ECHDC1: variants seen among roughly 807,000 people sequenced by gnomAD.
ECHDC1 encodes the protein ethylmalonyl-CoA decarboxylase.
ECHDC1 carries 29 observed loss-of-function variants against 29.7 expected under a neutral mutation model. That is an observed-to-expected ratio of 0.98 (90% CI 0.73 to 1.33). The LOEUF is 1.33. Ranked by LOEUF, ECHDC1 falls within the 40% of genes most tolerant of loss-of-function variation. ECHDC1 has a pLI of 0.00. For synonymous variants in ECHDC1, 126 were observed against 123.1 expected, an observed-to-expected ratio of 1.02 and a Z score of -0.15; for missense variants, 328 against 350.0, an observed-to-expected ratio of 0.94 and a Z score of 0.50.
chr6:127,318,064 T>C (rs1487539181), intron 3 of ECHDC1: 1 of 152,184 alleles, frequency 6.6e-6, no homozygotes, highest in Non-Finnish European at 1.5e-5. Context: ...AACCTTCCTG[T>C]AGGATGATGA....
rs1020799581 is a variant in ECHDC1 at position 127,343,349 on chromosome 6, G to A, written c.-16C>T. 2.0e-4 allele frequency: 30 copies of A among 152,354 alleles called. No homozygotes were observed. The highest frequency in any genetic ancestry group is 7.0e-4 in the African/African-American group (29 of 41,434). The allele number at this position is 152,354 out of a possible 1,614,324, so 9.4% of individuals were successfully genotyped here. On this transcript the variant is annotated 5_prime_UTR_variant, in exon 1 of 6. Transcript: ENST00000454859. ...ACGACCACTTACCGTCGCAGGCCAC[G>A]GTGGTGACTTCCTTTTCCGCTCCCC... is the stretch of plus-strand genomic sequence containing the variant.
chr6:127,342,660 A>C, intron 1 of ECHDC1: 2 of 372,402 alleles, frequency 5.4e-6, no homozygotes. Context: ...ACTGCTATAC[A>C]GGAGCCCAGA....
chr6:127,301,771 G>A (rs1781071183), intron 5 of ECHDC1, among the ~76,000 whole-genome samples: 1 of 152,126 alleles, frequency 6.6e-6, no homozygotes, highest in Non-Finnish European at 1.5e-5. Flanking sequence ...TCTGGTCAAG[G>A]ATCAATTTCT....
chr6:127,311,719 G>GAAAA (rs1781946789), intron 5 of ECHDC1, among the ~76,000 whole-genome samples: 4 of 59,866 alleles, frequency 6.7e-5, no homozygotes, highest in Non-Finnish European at 1.2e-4. Context: ...AAGAAAGAAA[G>GAAAA]AAAGAAAGAA....
chr6:127,326,948 C>A, intron 3 of ECHDC1, 54 bp downstream of exon 3: 1 of 1,523,042 alleles, frequency 6.6e-7, no homozygotes, highest in Non-Finnish European at 9.0e-7. Flanking sequence ...ATGTATCTGC[C>A]ATACATGTCT....
In ECHDC1 at chr6:127,288,781, C is replaced by CTATGGCCAAAT. The variant is rs1779839902; in HGVS notation, c.*1087_*1088insATTTGGCCATA. 6.6e-6 allele frequency: 1 copy of CTATGGCCAAAT among 152,028 alleles called. No individual in the cohort carries two copies. The highest frequency in any genetic ancestry group is 1.5e-5 in the Non-Finnish European group (1 of 67,940). The allele number at this position is 152,028 out of a possible 1,614,324, so 9.4% of individuals were successfully genotyped here. ...ATGGCCAAATAGTATTGGGTTGACA[C>CTATGGCCAAAT]AGTAATCTAGAGTTTACCTCTGAAA... is the stretch of plus-strand genomic sequence containing the variant. On this transcript the variant is annotated 3_prime_UTR_variant, in exon 6 of 6. Coordinates refer to ENST00000454859, the MANE Select transcript of ECHDC1 (RefSeq NM_001002030.2).
rs761934091 is a variant in ECHDC1, at chr6:127,314,862, A to C, written c.451T>G (p.Trp151Gly). 2 of 1,612,066 alleles carry C rather than the reference A, an allele frequency of 1.2e-6. No individual in the cohort carries two copies. The highest frequency in any genetic ancestry group is 1.3e-5 in the African/African-American group (1 of 74,888). The change falls in exon 5 of 6, where the codon TGG becomes GGG. Residue 151 changes from tryptophan to glycine, a missense_variant. By Grantham distance (184) the Trp-to-Gly change is radical. Coordinates refer to ENST00000454859, the MANE Select transcript of ECHDC1 (RefSeq NM_001002030.2). ...AATTCTGCTCCTCCACCCAATGCCC[A>C]ACCTTGAACCAGCGCAACACTTATT... Reference protein sequence around the residue: ...PLISVALVQGWALGGGAEFTT... With the variant: ...PLISVALVQGGALGGGAEFTT...
At chr6:127,296,319 G>C (rs1231458251) in intron 5 of ECHDC1, among the ~76,000 whole-genome samples, 1 of 151,988 alleles carries the variant, frequency 6.6e-6, no homozygotes, top group Non-Finnish European at 1.5e-5. Context: ...TCAGCCTCCA[G>C]AGTAGCTGCA....
intron 3 of ECHDC1, among the ~76,000 whole-genome samples, chr6:127,321,476 T>C (rs1782819701): frequency 6.6e-6 from 1 of 152,228 alleles, no homozygotes; most frequent in Admixed American, 6.5e-5. Flanking sequence ...ATATAGTTTA[T>C]AGGAAACATG....
intron 5 of ECHDC1, among the ~76,000 whole-genome samples, chr6:127,307,648 GAA>G (rs71024770): frequency 6.2e-5 from 3 of 48,654 alleles, no homozygotes; most frequent in Admixed American, 5.4e-4. Flanking sequence ...CTCTGTCTCA[GAA>G]AAAAAAAAAA....
At chr6:127,331,940 CCTCTT>C in intron 1 of ECHDC1, 1 of 941,014 alleles carries the variant, frequency 1.1e-6, no homozygotes, top group African/African-American at 1.8e-5. Flanking sequence ...TCACTTTTCT[CCTCTT>C]AATTTTTACC....
intron 1 of ECHDC1, among the ~76,000 whole-genome samples, chr6:127,340,298 A>T (rs1784816110): frequency 6.6e-6 from 1 of 152,220 alleles, no homozygotes; most frequent in African/African-American, 2.4e-5. Context: ...GTAGGTATTG[A>T]GATAAGACTT....
chr6:127,327,450 C>T (rs1005086098), intron 2 of ECHDC1, among the ~76,000 whole-genome samples: 22 of 151,930 alleles, frequency 1.4e-4, no homozygotes, highest in Admixed American at 3.3e-4. Context: ...AATAAGAAAA[C>T]GATATGGTAA....
chr6:127,306,297 T>C (rs1051409864), intron 5 of ECHDC1, among the ~76,000 whole-genome samples: 1 of 152,134 alleles, frequency 6.6e-6, no homozygotes, highest in African/African-American at 2.4e-5. Context: ...CCCAGATATA[T>C]ACAGGAAACA....
At chr6:127,293,642 T>A (rs926985914) in intron 5 of ECHDC1, among the ~76,000 whole-genome samples, 6 of 152,178 alleles carry the variant, frequency 3.9e-5, no homozygotes, top group Non-Finnish European at 8.8e-5. Context: ...AAAAATTGTG[T>A]GAAATTGCCT....
chr6:127,315,784 T>C (rs1782315156), intron 4 of ECHDC1: 4 of 381,302 alleles, frequency 1.0e-5, no homozygotes, highest in South Asian at 8.3e-5. Flanking sequence ...TCAGATACAA[T>C]AGGTACCAAA....
intron 5 of ECHDC1, among the ~76,000 whole-genome samples, chr6:127,308,012 G>A (rs1242989701): frequency 6.6e-6 from 1 of 152,048 alleles, no homozygotes; most frequent in African/African-American, 2.4e-5. Flanking sequence ...AAGTCTCCCA[G>A]TAAAGAAAAG....
In ECHDC1 at chr6:127,288,913, A is replaced by G. The variant is rs1022156248; in HGVS notation, c.*956T>C. 80 of 152,190 alleles carry G rather than the reference A, an allele frequency of 5.3e-4. No homozygotes were observed. Among genetic ancestry groups the G allele is most frequent in the African/African-American group, 1.9e-3 (80 of 41,550 alleles). 9.4% of individuals were successfully genotyped at this position (152,190 alleles called of 1,614,324 possible). A position where few individuals can be genotyped will look rare whatever the true frequency, so the allele number is the denominator to read the frequency against. ...TACCATGATTCTCAAATGTGAATTGAATGTTACAGTAGCAAATACTTTTGA... is the reference window on the plus strand; with the variant it reads ...TACCATGATTCTCAAATGTGAATTGGATGTTACAGTAGCAAATACTTTTGA... On this transcript the variant is annotated 3_prime_UTR_variant, in exon 6 of 6. Coordinates refer to ENST00000454859, the MANE Select transcript of ECHDC1 (RefSeq NM_001002030.2).
chr6:127,335,124 A>G (rs1784320263), intron 1 of ECHDC1, among the ~76,000 whole-genome samples: 1 of 152,142 alleles, frequency 6.6e-6, no homozygotes, highest in South Asian at 2.1e-4. Flanking sequence ...GGTATCAGAA[A>G]CTGACAGAGA....
Sources: gnomAD v4.1 joint callset for allele counts (sites outside exome capture counted in the v4.1 genomes callset) on GRCh38, gnomAD v4.1.1 for gene constraint, MANE v1.5 for transcripts, NCBI Gene and HGNC (gene_info 2026-07-23, HGNC 2026-07-21) for gene names.